GDF1: variants seen among roughly 807,000 people sequenced by gnomAD.
GDF1 encodes the protein growth differentiation factor 1.
A neutral mutation model predicts 7.4 loss-of-function variants in GDF1; 8 were observed. The ratio of observed to expected loss-of-function variants is 1.09; its 90% CI spans 0.64 to 1.96. The LOEUF (loss-of-function observed/expected upper bound fraction) is 1.96, where lower values mean the gene tolerates loss of function less well. Among genes scored for constraint, GDF1 ranks in the 30% most tolerant of loss-of-function variants. The pLI is 0.00. For missense variants in GDF1, 574 were observed against 551.5 expected, an observed-to-expected ratio of 1.04 and a Z score of -0.41; for synonymous variants, 311 against 276.7, an observed-to-expected ratio of 1.12 and a Z score of -1.23.
At chr19:18,879,682 C>T (rs1417401980) in intron 4 of GDF1, among the ~76,000 whole-genome samples, 1 of 148,946 alleles carries the variant, frequency 6.7e-6, no homozygotes, top group Non-Finnish European at 1.5e-5. Flanking sequence ...CTAGGCCCCA[C>T]CTACCTCACC....
In GDF1 at chr19:18,896,126, G is replaced by C. The variant is rs1228852904; in HGVS notation, c.-1376C>G. Reference sequence around the variant, plus strand: ...CCTGCGCCCGCCCGCGGTAGCCGACGGAGCCGCGCGCCCCGCGTCACGCGC... The same window carrying C: ...CCTGCGCCCGCCCGCGGTAGCCGACCGAGCCGCGCGCCCCGCGTCACGCGC... On this transcript the variant is annotated 5_prime_UTR_variant, in exon 1 of 8. Coordinates refer to ENST00000247005, the MANE Select transcript of GDF1 (RefSeq NM_001492.6). The surrounding 1 kb of genome is among the most constrained non-coding windows in gnomAD (Gnocchi z 5.9). 2.8e-6 allele frequency: 2 copies of C among 704,154 alleles called. No homozygotes were observed. Among genetic ancestry groups the C allele is most frequent in the Admixed American group, 6.5e-5 (1 of 15,396 alleles). The allele number at this position is 704,154 out of a possible 1,614,324, so 43.6% of individuals were successfully genotyped here.
rs1272050069 is a variant in GDF1 at position 18,886,132 on chromosome 19, A to G, written c.-913-1865T>C. ...TTCAAGGGCTATGCTCTGGACGGGC[A>G]CGGTGGCTCATGCCTGTAATCCCAG... On this transcript the variant is annotated intron_variant, in intron 2 of 7. Transcript: ENST00000247005. Among the ~76,000 whole-genome samples, 557 of 151,246 alleles carry G rather than the reference A, an allele frequency of 3.7e-3. 10 individuals are homozygous for G. Among genetic ancestry groups the G allele is most frequent in the African/African-American group, 0.013 (543 of 40,630 alleles).
Position 18,879,394 on chromosome 19 carries a change from G to A in GDF1, c.-570-6C>T. On this transcript the variant is annotated splice_region_variant and splice_polypyrimidine_tract_variant and intron_variant, in intron 4 of 7. Transcript: ENST00000247005. Reference sequence around the variant, plus strand: ...AGTAGAGGCGGAACCAGAACCTGCGGTGGGAGGAGTCAGGAGGCCGTGGGT... The same window carrying A: ...AGTAGAGGCGGAACCAGAACCTGCGATGGGAGGAGTCAGGAGGCCGTGGGT... 3 of 1,557,644 alleles carry A rather than the reference G, an allele frequency of 1.9e-6. No homozygotes were observed. The highest frequency in any genetic ancestry group is 2.6e-6 in the Non-Finnish European group (3 of 1,150,870).
In GDF1 at chr19:18,870,350, C is replaced by A. The variant is rs1274337123; in HGVS notation, c.-43G>T. 12 of 1,540,062 alleles carry A rather than the reference C, an allele frequency of 7.8e-6. No homozygotes were observed. Among genetic ancestry groups the A allele is most frequent in the Non-Finnish European group, 9.6e-6 (11 of 1,145,060 alleles). On this transcript the variant is annotated 5_prime_UTR_variant, in exon 7 of 8. Coordinates refer to ENST00000247005, the MANE Select transcript of GDF1 (RefSeq NM_001492.6). This position sits in a 1 kb window ranked among gnomAD's most constrained non-coding sequence, Gnocchi z 5.1. ...ACCAGAGAGTGCGCAGGGTCCGCGG[C>A]GGCCCGGGACCAGTGGGCTGAGGGC... is the stretch of plus-strand genomic sequence containing the variant.
intron 6 of GDF1, among the ~76,000 whole-genome samples, chr19:18,872,830 GTA>G (rs1171904299): frequency 6.6e-6 from 1 of 151,526 alleles, no homozygotes; most frequent in Non-Finnish European, 1.5e-5. Context: ...TATATTTTTA[GTA>G]GAGATGGGAT....
At position 18,868,984 on chromosome 19, in the gene GDF1, C is replaced by G; in HGVS notation, c.732G>C (p.Leu244=). The change falls in exon 8 of 8, where the codon CTG becomes CTC. Residue 244 remains leucine (L), a synonymous_variant. Coordinates refer to ENST00000247005, the MANE Select transcript of GDF1 (RefSeq NM_001492.6). The part of the protein sequence containing the change: ...SLLLVTLDPR[L]CHPLARPRRD... ...GCCGCGGCCGGGCCAGGGGGTGGCA[C>G]AGGCGCGGGTCGAGGGTCACCAGCA... 1 of 1,133,112 alleles carries G rather than the reference C, an allele frequency of 8.8e-7. No individual in the cohort carries two copies. The highest frequency in any genetic ancestry group is 1.1e-6 in the Non-Finnish European group (1 of 925,106). 70.2% of individuals were successfully genotyped at this position (1,133,112 alleles called of 1,614,324 possible).
chr19:18,868,960 C>A lies in GDF1; in HGVS notation c.756G>T (p.Arg252=). ...CGCCCAACACGGGTTCGGCGTCGCG[C>A]CGCGGCCGGGCCAGGGGGTGGCACA... ...PRLCHPLARP[R]RDAEPVLGGG... is the part of the protein sequence containing the mutation. Residue 252 remains arginine, a synonymous_variant, in exon 8 of 8, where the codon CGG becomes CGT. Coordinates refer to ENST00000247005, the MANE Select transcript of GDF1 (RefSeq NM_001492.6). The A allele has an allele frequency of 8.5e-7, 1 of 1,175,288 alleles. No individual in the cohort carries two copies. Among genetic ancestry groups the A allele is most frequent in the South Asian group, 2.6e-5 (1 of 37,766 alleles). 72.8% of individuals were successfully genotyped at this position (1,175,288 alleles called of 1,614,324 possible). A position where few individuals can be genotyped will look rare whatever the true frequency, so the allele number is the denominator to read the frequency against.
Position 18,869,985 on chromosome 19 carries a change from C to A in GDF1, c.323G>T (p.Arg108Leu). 6.3e-7 allele frequency: 1 copy of A among 1,588,362 alleles called. No homozygotes were observed. Among genetic ancestry groups the A allele is most frequent in the Non-Finnish European group, 8.6e-7 (1 of 1,169,006 alleles). The change falls in exon 7 of 8, where the codon CGC (arginine) becomes CTC (leucine). Residue 108 changes from arginine to leucine, a missense_variant and splice_region_variant. By Grantham distance (102) the Arg-to-Leu change is moderately radical. Transcript: ENST00000247005. ...AGNIVRHIPD[R>L]GAPTRASEPA... is the part of the protein sequence containing the mutation. ...TCCCCAGCGAAAGCCCCACTCACCG[C>A]GGTCCGGGATGTGGCGCACGATGTT...
Position 18,895,919 on chromosome 19 carries a change from G to A in GDF1, c.-1169C>T. The A allele has an allele frequency of 8.1e-7, 1 of 1,230,008 alleles. No individual in the cohort carries two copies. The highest frequency in any genetic ancestry group is 2.4e-5 in the South Asian group (1 of 42,372). The allele number at this position is 1,230,008 out of a possible 1,614,324, so 76.2% of individuals were successfully genotyped here. Reference sequence around the variant, plus strand: ...AGCTCGGGCGGCGCCAGGTGCGCGTGCTCAGCCAGGCCGCGACGCGCCAGC... The same window carrying A: ...AGCTCGGGCGGCGCCAGGTGCGCGTACTCAGCCAGGCCGCGACGCGCCAGC... On this transcript the variant is annotated 5_prime_UTR_variant, in exon 1 of 8. Transcript: ENST00000247005. The surrounding 1 kb of genome is among the most constrained non-coding windows in gnomAD (Gnocchi z 6.4).
rs189105903 is a variant in GDF1, at chr19:18,889,387, A to C, written c.-914+4029T>G. 4.9e-3 allele frequency among the ~76,000 whole-genome samples: 749 copies of C among 152,042 alleles called. 3 individuals are homozygous for C. The highest frequency in any genetic ancestry group is 7.5e-3 in the Non-Finnish European group (511 of 67,974). On this transcript the variant is annotated intron_variant, in intron 2 of 7. Coordinates refer to ENST00000247005, the MANE Select transcript of GDF1 (RefSeq NM_001492.6). ...CTCCTTCCCCACAGGATAGGGGGGAAGTCCTGGCTTAGTTCAGAGGTCTCA... is the reference window on the plus strand; with the variant it reads ...CTCCTTCCCCACAGGATAGGGGGGACGTCCTGGCTTAGTTCAGAGGTCTCA...
rs1008969968 is a variant in GDF1 at position 18,868,840 on chromosome 19, C to T, written c.876G>A (p.Leu292=). The T allele has an allele frequency of 9.2e-5, 133 of 1,451,906 alleles. No homozygotes were observed. Among genetic ancestry groups the T allele is most frequent in the Non-Finnish European group, 1.1e-4 (123 of 1,093,672 alleles). 89.9% of individuals were successfully genotyped at this position (1,451,906 alleles called of 1,614,324 possible). ...HRWVIAPRGF[L]ANYCQGQCAL... is the part of the protein sequence containing the mutation. ...CGCACTGACCCTGGCAGTAGTTGGC[C>T]AGGAAGCCGCGCGGCGCGATGACCC... is the stretch of plus-strand genomic sequence containing the variant. Residue 292 remains leucine (L), a synonymous_variant, in exon 8 of 8, where the codon CTG becomes CTA. Transcript: ENST00000247005.
intron 2 of GDF1, among the ~76,000 whole-genome samples, chr19:18,888,995 G>A (rs1005553219): frequency 1.0e-4 from 15 of 148,396 alleles, no homozygotes; most frequent in African/African-American, 3.5e-4. Context: ...AGGTTCAAGC[G>A]ATTCTCTTGC....
At chr19:18,885,729 C>T (rs763161261) in intron 2 of GDF1, among the ~76,000 whole-genome samples, 13 of 150,334 alleles carry the variant, frequency 8.6e-5, no homozygotes, top group Non-Finnish European at 1.9e-4. Flanking sequence ...TCATGTTGGC[C>T]AGGCTGGTCT....
intron 2 of GDF1, among the ~76,000 whole-genome samples, chr19:18,891,523 C>G (rs2056490697): frequency 6.6e-6 from 1 of 151,580 alleles, no homozygotes; most frequent in Non-Finnish European, 1.5e-5. Flanking sequence ...CCACCCGGAG[C>G]TCAGGCCACA....
At chr19:18,889,470 G>A (rs1472627777) in intron 2 of GDF1, among the ~76,000 whole-genome samples, 1 of 152,134 alleles carries the variant, frequency 6.6e-6, no homozygotes, top group Admixed American at 6.6e-5. Context: ...TGGCTGGAAT[G>A]TAGTGGTGCA....
chr19:18,883,068 C>T (rs982094676), intron 3 of GDF1: 1 of 152,224 alleles, frequency 6.6e-6, no homozygotes, highest in African/African-American at 2.4e-5. Flanking sequence ...AAGCAATCCT[C>T]CTGACTCAGC....
At position 18,878,367 on chromosome 19, in the gene GDF1, G is replaced by A; in HGVS notation, c.-313+563C>T. On this transcript the variant is annotated intron_variant, in intron 6 of 7. Transcript: ENST00000247005. The surrounding 1 kb of genome is among the most constrained non-coding windows in gnomAD (Gnocchi z 4.6). ...CACCCAGGGCTGGTGAGGCTCGTGGGCTATCTCCTTCCCCAGGACTCCCAC... is the reference window on the plus strand; with the variant it reads ...CACCCAGGGCTGGTGAGGCTCGTGGACTATCTCCTTCCCCAGGACTCCCAC... The A allele has an allele frequency of 3.0e-6, 3 of 986,718 alleles. No homozygotes were observed. The highest frequency in any genetic ancestry group is 3.6e-6 in the Non-Finnish European group (3 of 830,988). The allele number at this position is 986,718 out of a possible 1,614,324, so 61.1% of individuals were successfully genotyped here.
intron 2 of GDF1, among the ~76,000 whole-genome samples, chr19:18,885,286 G>A (rs1431423834): frequency 2.7e-5 from 4 of 150,288 alleles, no homozygotes; most frequent in East Asian, 2.0e-4. Context: ...CTGCAGCCTC[G>A]ACCTCCTGGG....
At position 18,895,044 on chromosome 19, in the gene GDF1, C is replaced by T. The variant is rs1470076427; in HGVS notation, c.-1074+780G>A. Among the ~76,000 whole-genome samples the T allele has an allele frequency of 6.6e-6, 1 of 152,216 alleles. No homozygotes were observed. The highest frequency in any genetic ancestry group is 1.5e-5 in the Non-Finnish European group (1 of 68,044). ...CATCATGGTCACTCTCTCGCAGGGG[C>T]GATGGTCTCCGCAGAAACTGGGGAA... On this transcript the variant is annotated intron_variant, in intron 1 of 7. Transcript: ENST00000247005. The surrounding 1 kb of genome is among the most constrained non-coding windows in gnomAD (Gnocchi z 6.4).
Sources: gnomAD v4.1 joint callset for allele counts (sites outside exome capture counted in the v4.1 genomes callset) on GRCh38, gnomAD v4.1.1 for gene constraint, Gnocchi (gnomAD v3.1) non-coding constraint, MANE v1.5 for transcripts, NCBI Gene and HGNC (gene_info 2026-07-23, HGNC 2026-07-21) for gene names.